The following MAGI1 variants were observed in gnomAD, a reference collection of about 807,000 sequenced individuals.
The protein encoded by MAGI1 is membrane-associated guanylate kinase, WW and PDZ domain-containing protein 1.
Under a neutral mutation model 139.9 loss-of-function variants are expected in MAGI1, and 58 were observed. That is an observed-to-expected ratio of 0.41 (90% CI 0.34 to 0.52). The LOEUF (loss-of-function observed/expected upper bound fraction) is 0.52. MAGI1 is among the 20% of genes least tolerant of loss of function. The pLI, the probability that MAGI1 is intolerant of heterozygous loss-of-function variation, is 0.12. For missense variants in MAGI1, 1,874 were observed against 1,901.6 expected, an observed-to-expected ratio of 0.99 and a Z score of 0.27; for synonymous variants, 812 against 737.9, an observed-to-expected ratio of 1.10 and a Z score of -1.63.
At chr3:65,453,626 C>A (rs900531486) in intron 5 of MAGI1, among the ~76,000 whole-genome samples, 1 of 151,776 alleles carries the variant, frequency 6.6e-6, no homozygotes, top group African/African-American at 2.4e-5. Flanking sequence ...CAAATGATAC[C>A]CCTTGCGTAT....
Position 65,493,540 on chromosome 3 carries a change from C to G in MAGI1, c.522G>C (p.Gly174=), listed in dbSNP as rs1391550422. 6.2e-7 allele frequency: 1 copy of G among 1,614,018 alleles called. No individual in the cohort carries two copies. Among genetic ancestry groups the G allele is most frequent in the African/African-American group, 1.3e-5 (1 of 74,906 alleles). Residue 174 remains glycine, a synonymous_variant, in exon 3 of 23, where the codon GGG becomes GGC. Coordinates refer to ENST00000402939, the MANE Select transcript of MAGI1 (RefSeq NM_001033057.2). ...VKEFLDLEQS[G]TLLEVGTYEG... is the part of the protein sequence containing the mutation. ...CATAGGTGCCGACTTCCAGAAGAGT[C>G]CCACTCTGCTCGAGGTCCAAGAACT... is the stretch of plus-strand genomic sequence containing the variant.
intron 1 of MAGI1, among the ~76,000 whole-genome samples, chr3:65,909,177 T>G (rs891600754): frequency 4.6e-5 from 7 of 152,142 alleles, no homozygotes; most frequent in African/African-American, 1.7e-4. Flanking sequence ...CTTCCCGTAC[T>G]GACACCATCA....
intron 1 of MAGI1, among the ~76,000 whole-genome samples, chr3:65,651,684 A>C (rs1205382048): frequency 6.6e-6 from 1 of 152,148 alleles, no homozygotes; most frequent in South Asian, 2.1e-4. Flanking sequence ...CAGGCATGCC[A>C]TCCTTGCATA....
intron 5 of MAGI1, among the ~76,000 whole-genome samples, chr3:65,467,001 C>G (rs959401321): frequency 6.6e-6 from 1 of 152,188 alleles, no homozygotes; most frequent in Non-Finnish European, 1.5e-5. Flanking sequence ...ACGCTTTTAT[C>G]AGGGCTTTAT....
chr3:65,843,545 G>A (rs950161720), intron 1 of MAGI1, among the ~76,000 whole-genome samples: 16 of 152,100 alleles, frequency 1.1e-4, no homozygotes, highest in Admixed American at 9.2e-4. Flanking sequence ...GATAACTAAT[G>A]TACCTTCCCA....
At chr3:65,584,717 T>C (rs2081595653) in intron 2 of MAGI1, among the ~76,000 whole-genome samples, 1 of 152,172 alleles carries the variant, frequency 6.6e-6, no homozygotes, top group African/African-American at 2.4e-5. Context: ...GAAAATGTAA[T>C]AAAGATATAG....
intron 1 of MAGI1, among the ~76,000 whole-genome samples, chr3:65,644,255 A>T (rs2085135459): frequency 6.6e-6 from 1 of 152,160 alleles, no homozygotes; most frequent in South Asian, 2.1e-4. Context: ...AAAATCACTC[A>T]TCATATGAAG....
intron 2 of MAGI1, among the ~76,000 whole-genome samples, chr3:65,499,515 G>A (rs2077002021): frequency 1.3e-5 from 2 of 152,136 alleles, no homozygotes; most frequent in African/African-American, 4.8e-5. Context: ...CAGGCATGGT[G>A]GCAGGTAACT....
At chr3:66,032,384 TG>T (rs1323777187) in intron 1 of MAGI1, among the ~76,000 whole-genome samples, 8 of 137,932 alleles carry the variant, frequency 5.8e-5, no homozygotes, top group Non-Finnish European at 7.8e-5. Flanking sequence ...CTAATTTTTT[TG>T]TTTTTTTTTT....
At chr3:65,482,533 C>T (rs762733074) in intron 3 of MAGI1, among the ~76,000 whole-genome samples, 4 of 152,248 alleles carry the variant, frequency 2.6e-5, no homozygotes, top group East Asian at 1.9e-4. Context: ...AATGGTAGCA[C>T]CAGCTGTAGC....
At chr3:65,862,184 C>T (rs1423471351) in intron 1 of MAGI1, among the ~76,000 whole-genome samples, 1 of 152,202 alleles carries the variant, frequency 6.6e-6, no homozygotes, top group African/African-American at 2.4e-5. Context: ...GTTAAGAGCT[C>T]ACGCGCTGGA....
chr3:65,507,643 T>C (rs531640616), intron 2 of MAGI1, among the ~76,000 whole-genome samples: 78 of 152,330 alleles, frequency 5.1e-4, no homozygotes, highest in African/African-American at 1.5e-3. Flanking sequence ...TAACTATAAA[T>C]CACAATCCAA....
chr3:65,652,746 G>C (rs1436110674), intron 1 of MAGI1, among the ~76,000 whole-genome samples: 1 of 152,092 alleles, frequency 6.6e-6, no homozygotes, highest in African/African-American at 2.4e-5. Context: ...AGGTTTTCAT[G>C]TAATGCAAGG....
At position 65,845,958 on chromosome 3, in the gene MAGI1, A is replaced by G. The variant is rs964695856; in HGVS notation, c.313+192038T>C. Among the ~76,000 whole-genome samples the G allele has an allele frequency of 5.9e-5, 9 of 152,356 alleles. No individual in the cohort carries two copies. The South Asian group carries it at 1.5e-3, about 25-fold the overall frequency. On this transcript the variant is annotated intron_variant, in intron 1 of 22. Transcript: ENST00000402939. ...TGTCCTTTTCTGGTTCAAAGATGAA[A>G]AGCAGGTAGACAGCCGGGCTAAAAA...
At chr3:65,620,918 C>G (rs1349481062) in intron 2 of MAGI1, among the ~76,000 whole-genome samples, 5 of 152,128 alleles carry the variant, frequency 3.3e-5, no homozygotes, top group African/African-American at 9.7e-5. Context: ...CCTTTAAAAT[C>G]TACAGAATGC....
intron 1 of MAGI1, among the ~76,000 whole-genome samples, chr3:65,936,174 C>T (rs1034120479): frequency 6.6e-6 from 1 of 152,188 alleles, no homozygotes; most frequent in African/African-American, 2.4e-5. Context: ...AACAGACTGA[C>T]ATAATCCATT....
At chr3:65,502,288 G>A (rs930951295) in intron 2 of MAGI1, among the ~76,000 whole-genome samples, 2 of 152,210 alleles carry the variant, frequency 1.3e-5, no homozygotes, top group African/African-American at 4.8e-5. Context: ...TGTAGCCTAA[G>A]GCTCTGAGCC....
intron 1 of MAGI1, among the ~76,000 whole-genome samples, chr3:65,760,500 C>T (rs9818834): frequency 0.02 from 2,980 of 151,514 alleles, 92 homozygotes; most frequent in African/African-American, 0.068. Context: ...GCGACAGGAA[C>T]ACAGGAATAT....
intron 1 of MAGI1, among the ~76,000 whole-genome samples, chr3:65,851,037 G>A (rs546351543): frequency 1.7e-4 from 26 of 152,178 alleles, no homozygotes; most frequent in African/African-American, 6.3e-4. Flanking sequence ...AACCGGGGAG[G>A]CAGAAGTTGC....
Sources: allele counts gnomAD v4.1 joint callset (sites outside exome capture counted in the v4.1 genomes callset), GRCh38; gene constraint gnomAD v4.1.1; transcripts MANE v1.5; gene names NCBI Gene and HGNC (gene_info 2026-07-23, HGNC 2026-07-21).